HIVEP1: variants seen among roughly 807,000 people sequenced by gnomAD.
HIVEP1 encodes the protein HIVEP zinc finger 1.
A neutral mutation model predicts 180.0 loss-of-function variants in HIVEP1; 36 were observed. The ratio of observed to expected loss-of-function variants is 0.20; its 90% CI spans 0.15 to 0.26. The LOEUF is 0.26. HIVEP1 is among the 10% of genes least tolerant of loss of function. The pLI is 1.00. For synonymous variants in HIVEP1, 1,239 were observed against 1,239.0 expected, an observed-to-expected ratio of 1.00 and a Z score of 0.00; for missense variants, 3,143 against 3,268.7, an observed-to-expected ratio of 0.96 and a Z score of 0.94.
At chr6:12,145,662 G>A (rs1030357444) in intron 7 of HIVEP1, among the ~76,000 whole-genome samples, 4 of 151,776 alleles carry the variant, frequency 2.6e-5, no homozygotes, top group Non-Finnish European at 5.9e-5. Flanking sequence ...AAAACAAAAG[G>A]CACCTCACCC....
chr6:12,099,835 G>A (rs1774004783), intron 3 of HIVEP1, among the ~76,000 whole-genome samples: 1 of 152,230 alleles, frequency 6.6e-6, no homozygotes, highest in African/African-American at 2.4e-5. Flanking sequence ...GATTTCTTAA[G>A]TGTGGTTAGA....
At chr6:12,181,334 T>G in the HIVEP1 span, among the ~76,000 whole-genome samples, 1 of 151,962 alleles carries the variant, frequency 6.6e-6, no homozygotes, top group Non-Finnish European at 1.5e-5. Flanking sequence ...CACTCCAGCC[T>G]GGGCAACAGA....
At chr6:12,053,542 T>C (rs1316585166) in intron 2 of HIVEP1, among the ~76,000 whole-genome samples, 3 of 152,068 alleles carry the variant, frequency 2.0e-5, no homozygotes, top group Non-Finnish European at 1.5e-5. Flanking sequence ...GGCAAAAGAC[T>C]AATAGAAATA....
the HIVEP1 span, among the ~76,000 whole-genome samples, chr6:12,211,491 ACACACACACC>A: frequency 0.33 from 9,199 of 27,728 alleles, 737 homozygotes; most frequent in African/African-American, 0.37. Flanking sequence ...ATATATACAC[ACACACACACC>A]CACACAACAT....
chr6:12,056,638 T>A (rs1288406778), intron 2 of HIVEP1, among the ~76,000 whole-genome samples: 3 of 152,192 alleles, frequency 2.0e-5, no homozygotes, highest in Non-Finnish European at 2.9e-5. Context: ...CTTTTAAATT[T>A]TTTGTAATTT....
chr6:12,119,322 AG>A (rs1775419619), intron 3 of HIVEP1, among the ~76,000 whole-genome samples: 1 of 152,212 alleles, frequency 6.6e-6, no homozygotes, highest in African/African-American at 2.4e-5. Context: ...GCAAATTCGG[AG>A]GGAGTTGGTG....
At chr6:12,113,259 T>G (rs547165045) in intron 3 of HIVEP1, among the ~76,000 whole-genome samples, 1 of 150,174 alleles carries the variant, frequency 6.7e-6, no homozygotes, top group Non-Finnish European at 1.5e-5. Flanking sequence ...ACACCGACCT[T>G]AGGTAGAGTG....
chr6:12,183,380 G>T, the HIVEP1 span, among the ~76,000 whole-genome samples: 1 of 152,216 alleles, frequency 6.6e-6, no homozygotes, highest in Non-Finnish European at 1.5e-5. Context: ...CTCCTGTTCT[G>T]TGGAGCAGAC....
chr6:12,167,643 A>AAATGTTATAT (rs1760747643), downstream of HIVEP1, among the ~76,000 whole-genome samples: 2 of 24,046 alleles, frequency 8.3e-5, no homozygotes, highest in African/African-American at 7.0e-4. Context: ...ATATATACAT[A>AAATGTTATAT]TACATATATA....
chr6:12,168,333 AATTAT>A (rs1562025006), downstream of HIVEP1, among the ~76,000 whole-genome samples: 18 of 38,626 alleles, frequency 4.7e-4, no homozygotes, highest in South Asian at 3.4e-3. Context: ...TATATTATAT[AATTAT>A]ATATACATGT....
the HIVEP1 span, among the ~76,000 whole-genome samples, chr6:12,211,307 G>A: frequency 4.9e-5 from 5 of 101,680 alleles, no homozygotes; most frequent in African/African-American, 9.3e-5. Flanking sequence ...GGCTGAGGCA[G>A]GAGAATGGCG....
the HIVEP1 span, among the ~76,000 whole-genome samples, chr6:12,200,494 C>G: frequency 0.43 from 64,677 of 152,078 alleles, 13,932 homozygotes; most frequent in East Asian, 0.54. Flanking sequence ...AGCTAAGTAC[C>G]CTTGTGGCCT....
chr6:12,105,221 A>G (rs1297835487), intron 3 of HIVEP1, among the ~76,000 whole-genome samples: 1 of 152,102 alleles, frequency 6.6e-6, no homozygotes. Flanking sequence ...TCTTTATGCA[A>G]TTTTCCCTTA....
intron 7 of HIVEP1, among the ~76,000 whole-genome samples, chr6:12,144,024 A>G (rs555699351): frequency 2.0e-5 from 3 of 152,338 alleles, no homozygotes; most frequent in African/African-American, 7.2e-5. Context: ...AACTGGAAAA[A>G]AACTACTTTA....
At chr6:12,110,827 C>G (rs1344361291) in intron 3 of HIVEP1, among the ~76,000 whole-genome samples, 1 of 152,234 alleles carries the variant, frequency 6.6e-6, no homozygotes, top group Non-Finnish European at 1.5e-5. Flanking sequence ...TAGCCTTCAG[C>G]CTATCTCAGC....
At chr6:12,153,458 G>A (rs1403790554) in intron 7 of HIVEP1, among the ~76,000 whole-genome samples, 1 of 150,086 alleles carries the variant, frequency 6.7e-6, no homozygotes, top group African/African-American at 2.5e-5. Context: ...TTTGAATTAT[G>A]ATCAAATAGT....
intron 7 of HIVEP1, among the ~76,000 whole-genome samples, chr6:12,143,505 T>A (rs1759180583): frequency 2.0e-5 from 3 of 152,188 alleles, no homozygotes; most frequent in African/African-American, 7.2e-5. Context: ...TCACCACTCC[T>A]ATTCAAAATA....
At chr6:12,093,498 A>C (rs1773612430) in intron 3 of HIVEP1, among the ~76,000 whole-genome samples, 1 of 151,330 alleles carries the variant, frequency 6.6e-6, no homozygotes, top group Non-Finnish European at 1.5e-5. Flanking sequence ...CTTCTAAAAG[A>C]CTTTCACGTT....
chr6:12,041,420 TA>T (rs34364704), intron 2 of HIVEP1, among the ~76,000 whole-genome samples: 843 of 52,252 alleles, frequency 0.016, 4 homozygotes, highest in East Asian at 0.16. Flanking sequence ...AGACTCCGTC[TA>T]AAAAAAAAAA....
Sources: gnomAD v4.1 joint callset for allele counts (sites outside exome capture counted in the v4.1 genomes callset) on GRCh38, gnomAD v4.1.1 for gene constraint, MANE v1.5 for transcripts, NCBI Gene and HGNC (gene_info 2026-07-23, HGNC 2026-07-21) for gene names.